SLC30A7: variants seen among roughly 807,000 people sequenced by gnomAD.
SLC30A7 encodes solute carrier family 30 member 7.
Under a neutral mutation model 46.0 loss-of-function variants are expected in SLC30A7, and 35 were observed. The observed-to-expected ratio is 0.76, with a 90% CI of 0.58 to 1.01. The LOEUF (loss-of-function observed/expected upper bound fraction) is 1.01. Ranked by LOEUF, SLC30A7 falls within the 50% of genes least tolerant of loss-of-function variation. The probability of loss-of-function intolerance (pLI) is 0.00; values close to 1 mark genes in which losing one functional copy is unlikely to be tolerated. For missense variants in SLC30A7, 464 were observed against 451.1 expected (o/e 1.03, Z -0.26); for synonymous variants, 147 against 157.8 (o/e 0.93, Z 0.51).
intron 8 of SLC30A7, among the ~76,000 whole-genome samples, chr1:100,944,331 T>A (rs1221381203): frequency 6.6e-6 from 1 of 152,192 alleles, no homozygotes; most frequent in African/African-American, 2.4e-5. Flanking sequence ...TGAGACACCA[T>A]ACCCAGACAG....
At chr1:100,943,662 A>G (rs143903604) in intron 8 of SLC30A7, among the ~76,000 whole-genome samples, 1 of 152,354 alleles carries the variant, frequency 6.6e-6, no homozygotes, top group African/African-American at 2.4e-5. Context: ...CACTTTAGAG[A>G]GTCCAAGGAT....
chr1:100,900,734 C>G (rs1651254174), intron 2 of SLC30A7, among the ~76,000 whole-genome samples: 2 of 152,020 alleles, frequency 1.3e-5, no homozygotes, highest in Non-Finnish European at 2.9e-5. Flanking sequence ...TTTCTAATTT[C>G]CTGATAATAA....
In SLC30A7 at chr1:100,918,061, A is replaced by G; in HGVS notation, c.656-16A>G. On this transcript the variant is annotated splice_polypyrimidine_tract_variant and intron_variant, in intron 6 of 10. Coordinates refer to ENST00000357650, the MANE Select transcript of SLC30A7 (RefSeq NM_133496.5). ...GGAATTGAAAACATGTTTTAAAATA[A>G]CTTAATTCTCTACAGATGGCCCGTC... 6.2e-7 allele frequency: 1 copy of G among 1,605,848 alleles called. No homozygotes were observed. The highest frequency in any genetic ancestry group is 8.5e-7 in the Non-Finnish European group (1 of 1,174,620).
Position 100,974,938 on chromosome 1 carries a change from T to G in SLC30A7, c.*81T>G. The G allele has an allele frequency of 8.3e-7, 1 of 1,197,784 alleles. No homozygotes were observed. The allele number at this position is 1,197,784 out of a possible 1,614,324, so 74.2% of individuals were successfully genotyped here. ...ATCCAAAACATTGTACCCAGCTTTT[T>G]AAAAGAGAGAAATTATCACTACAAC... is the stretch of plus-strand genomic sequence containing the variant. On this transcript the variant is annotated 3_prime_UTR_variant, in exon 11 of 11. Coordinates refer to ENST00000357650, the MANE Select transcript of SLC30A7 (RefSeq NM_133496.5).
At chr1:100,909,588 A>G (rs1237242411) in intron 3 of SLC30A7, among the ~76,000 whole-genome samples, 1 of 152,150 alleles carries the variant, frequency 6.6e-6, no homozygotes, top group Non-Finnish European at 1.5e-5. Context: ...AAGTAAACAC[A>G]GATATTTGTA....
chr1:100,985,948 A>G (rs1657239714), downstream of SLC30A7, among the ~76,000 whole-genome samples: 1 of 152,246 alleles, frequency 6.6e-6, no homozygotes, highest in Non-Finnish European at 1.5e-5. Context: ...TATCCAGAAT[A>G]TGTAATAAAC....
chr1:100,953,480 G>C lies in SLC30A7; in HGVS notation c.843-8348G>C, dbSNP rs74481981. 2.9e-3 allele frequency among the ~76,000 whole-genome samples: 438 copies of C among 152,218 alleles called. 6 individuals carry two copies. The highest frequency in any genetic ancestry group is 0.01 in the African/African-American group (425 of 41,530). ...TTGATAGTCTTAACAAGTACTTCTTGTTGTCTCATCTGGTTTTTCTAAACA... is the reference window on the plus strand; with the variant it reads ...TTGATAGTCTTAACAAGTACTTCTTCTTGTCTCATCTGGTTTTTCTAAACA... On this transcript the variant is annotated intron_variant, in intron 8 of 10. Transcript: ENST00000357650.
At chr1:100,992,726 T>C in the SLC30A7 span, 4 of 1,612,908 alleles carry the variant, frequency 2.5e-6, no homozygotes, top group Non-Finnish European at 3.4e-6. Flanking sequence ...TGGAGGTTCA[T>C]AGATCTTCCT....
intron 8 of SLC30A7, among the ~76,000 whole-genome samples, chr1:100,942,411 G>A (rs1169249806): frequency 2.0e-5 from 3 of 152,144 alleles, no homozygotes; most frequent in Non-Finnish European, 2.9e-5. Flanking sequence ...AGATTGGAAA[G>A]AACACAAATG....
chr1:100,924,733 T>A (rs1653179842), intron 8 of SLC30A7, among the ~76,000 whole-genome samples: 1 of 152,014 alleles, frequency 6.6e-6, no homozygotes, highest in African/African-American at 2.4e-5. Flanking sequence ...TTGTGGGTTT[T>A]TTTTTTCAAC....
At chr1:100,938,917 A>G (rs539695130) in intron 8 of SLC30A7, among the ~76,000 whole-genome samples, 5 of 150,358 alleles carry the variant, frequency 3.3e-5, no homozygotes, top group African/African-American at 1.3e-4. Flanking sequence ...GCACCCAGGT[A>G]GAGAGAGTAT....
In SLC30A7 at chr1:100,896,680, A is replaced by AG; in HGVS notation, c.182+13dup. ...GGCATCTGGAGCAACTGGTAACCAAAGGGGAAAATGGTTTGGGCGGAAGCT... is the reference window on the plus strand; with the variant it reads ...GGCATCTGGAGCAACTGGTAACCAAAGGGGGAAAATGGTTTGGGCGGAAGCT... On this transcript the variant is annotated intron_variant, in intron 2 of 10. Transcript: ENST00000357650. 6.2e-7 allele frequency: 1 copy of AG among 1,611,812 alleles called. No homozygotes were observed. The highest frequency in any genetic ancestry group is 8.5e-7 in the Non-Finnish European group (1 of 1,178,120).
intron 2 of SLC30A7, among the ~76,000 whole-genome samples, chr1:100,901,793 A>G (rs1651325729): frequency 6.6e-6 from 1 of 152,250 alleles, no homozygotes; most frequent in African/African-American, 2.4e-5. Flanking sequence ...AAAAGAGTTT[A>G]CAAATACATT....
In SLC30A7 at chr1:100,952,265, T is replaced by C. The variant is rs558893395; in HGVS notation, c.843-9563T>C. 4.6e-5 allele frequency among the ~76,000 whole-genome samples: 7 copies of C among 152,308 alleles called. No homozygotes were observed. In the East Asian group the frequency reaches 1.2e-3, roughly 25 times the overall value. On this transcript the variant is annotated intron_variant, in intron 8 of 10. Transcript: ENST00000357650. ...CCAGAGTGCCTGGGTTCAAATGCTGTTTTAACTTTTTAGCTGTGTGAGCTT... is the reference window on the plus strand; with the variant it reads ...CCAGAGTGCCTGGGTTCAAATGCTGCTTTAACTTTTTAGCTGTGTGAGCTT...
rs1489935538 is a variant in SLC30A7 at position 100,980,916 on chromosome 1, A to G, written c.*6059A>G. 6.6e-6 allele frequency: 1 copy of G among 152,086 alleles called. No homozygotes were observed. Among genetic ancestry groups the G allele is most frequent in the African/African-American group, 2.4e-5 (1 of 41,436 alleles). The allele number at this position is 152,086 out of a possible 1,614,324, so 9.4% of individuals were successfully genotyped here. On this transcript the variant is annotated 3_prime_UTR_variant, in exon 11 of 11. Transcript: ENST00000357650. ...ATTTATCCTAATGTATTGTCATCCA[A>G]AATGAAAGAGGTCTTTCTTGAAGGT... is the stretch of plus-strand genomic sequence containing the variant.
chr1:100,916,408 A>G (rs1458886531), intron 6 of SLC30A7, among the ~76,000 whole-genome samples: 2 of 152,236 alleles, frequency 1.3e-5, no homozygotes, highest in African/African-American at 2.4e-5. Context: ...GATGGTCTCA[A>G]TCTCCTGACA....
At chr1:100,990,326 G>A in the SLC30A7 span, 4 of 1,285,772 alleles carry the variant, frequency 3.1e-6, no homozygotes, top group Non-Finnish European at 4.4e-6. Context: ...AATTCAAGAT[G>A]AGACTTGGGT....
At chr1:100,943,419 ACTTCATGT>A (rs1475485001) in intron 8 of SLC30A7, among the ~76,000 whole-genome samples, 2 of 150,780 alleles carry the variant, frequency 1.3e-5, no homozygotes, top group Non-Finnish European at 3.0e-5. Context: ...ACTCCAGGAA[ACTTCATGT>A]CTTCAGCTAT....
At chr1:100,962,258 C>T (rs1655589644) in intron 9 of SLC30A7, among the ~76,000 whole-genome samples, 1 of 152,154 alleles carries the variant, frequency 6.6e-6, no homozygotes, top group African/African-American at 2.4e-5. Context: ...GTAAACAAGA[C>T]AGACAGTGCC....
Sources: allele counts gnomAD v4.1 joint callset (sites outside exome capture counted in the v4.1 genomes callset), GRCh38; gene constraint gnomAD v4.1.1; transcripts MANE v1.5; gene names NCBI Gene and HGNC (gene_info 2026-07-23, HGNC 2026-07-21).